Variants in TJP1 observed in about 807,000 individuals in gnomAD.
The protein encoded by TJP1 is tight junction protein 1.
TJP1 carries 43 observed loss-of-function variants against 194.2 expected under a neutral mutation model. That is an observed-to-expected ratio of 0.22 (90% CI 0.17 to 0.29). The LOEUF is 0.29. Ranked by LOEUF, TJP1 falls within the 10% of genes least tolerant of loss-of-function variation. The probability of loss-of-function intolerance (pLI) is 1.00; values close to 1 mark genes in which losing one functional copy is unlikely to be tolerated. For synonymous variants in TJP1, 801 were observed against 779.0 expected (o/e 1.03, Z -0.47); for missense variants, 1,971 against 2,185.7 (o/e 0.90, Z 1.96).
intron 2 of TJP1, among the ~76,000 whole-genome samples, chr15:29,913,912 C>T (rs2054100451): frequency 6.6e-6 from 1 of 152,190 alleles, no homozygotes; most frequent in South Asian, 2.1e-4. Flanking sequence ...AGATGTACTA[C>T]AGAGGACCGT....
intron 2 of TJP1, among the ~76,000 whole-genome samples, chr15:29,930,768 A>C (rs1481458634): frequency 1.3e-5 from 2 of 152,260 alleles, no homozygotes; most frequent in Non-Finnish European, 2.9e-5. Context: ...AGGATTGGAA[A>C]GGAAGAGGCA....
At chr15:29,896,223 T>G (rs1366187519) in intron 2 of TJP1, among the ~76,000 whole-genome samples, 2 of 152,078 alleles carry the variant, frequency 1.3e-5, no homozygotes, top group African/African-American at 4.8e-5. Flanking sequence ...CAGTGGGAGG[T>G]GATTGAATGA....
chr15:29,831,585 A>G (rs773375314), intron 2 of TJP1, among the ~76,000 whole-genome samples: 14 of 152,180 alleles, frequency 9.2e-5, no homozygotes, highest in Non-Finnish European at 2.1e-4. Context: ...ACAAGTTAAT[A>G]AAAAAGAAAA....
chr15:29,809,639 G>A (rs1178188990), intron 1 of TJP1, among the ~76,000 whole-genome samples: 2 of 152,128 alleles, frequency 1.3e-5, no homozygotes, highest in Admixed American at 6.5e-5. Flanking sequence ...GAAGTCAGGA[G>A]TTCGAGACCA....
intron 2 of TJP1, among the ~76,000 whole-genome samples, chr15:29,836,427 C>T (rs1316695165): frequency 6.6e-6 from 1 of 151,854 alleles, no homozygotes; most frequent in Admixed American, 6.6e-5. Flanking sequence ...CACCCGCCAC[C>T]ACGCCTGGCT....
intron 2 of TJP1, among the ~76,000 whole-genome samples, chr15:29,885,528 T>C (rs138450587): frequency 2.0e-4 from 31 of 152,380 alleles, no homozygotes; most frequent in Non-Finnish European, 3.8e-4. Context: ...CCATGCCATG[T>C]GGCAGTACAG....
intron 2 of TJP1, among the ~76,000 whole-genome samples, chr15:29,797,762 C>T (rs2048510464): frequency 6.6e-6 from 1 of 152,042 alleles, no homozygotes; most frequent in South Asian, 2.1e-4. Context: ...AAACAAGCAA[C>T]ATAGAGCTTA....
chr15:29,867,179 C>T (rs996947678), intron 2 of TJP1, among the ~76,000 whole-genome samples: 4 of 152,136 alleles, frequency 2.6e-5, no homozygotes, highest in African/African-American at 4.8e-5. Flanking sequence ...TTCCTGGACA[C>T]GAGAAAATTC....
At chr15:29,859,059 G>A (rs565128151) in intron 2 of TJP1, among the ~76,000 whole-genome samples, 2 of 152,230 alleles carry the variant, frequency 1.3e-5, no homozygotes, top group South Asian at 2.1e-4. Flanking sequence ...AGGATTGATT[G>A]TGGACTATTT....
chr15:29,773,187 G>T (rs779549461), intron 3 of TJP1, 46 bp downstream of exon 3: 1 of 1,607,456 alleles, frequency 6.2e-7, no homozygotes, highest in South Asian at 1.1e-5. Flanking sequence ...CCTGAGGAGA[G>T]GAACACTGCT....
chr15:29,732,513 G>A lies in TJP1; in HGVS notation c.1937C>T (p.Pro646Leu). 1 of 1,614,138 alleles carries A rather than the reference G, an allele frequency of 6.2e-7. No homozygotes were observed. Among genetic ancestry groups the A allele is most frequent in the Non-Finnish European group, 8.5e-7 (1 of 1,180,024 alleles). The change falls in exon 15 of 28, where the codon CCT (proline) becomes CTT (leucine). Residue 646 changes from proline (P) to leucine (L), a missense_variant. Physicochemically the swap from Pro to Leu is moderately conservative, Grantham distance 98. Coordinates refer to ENST00000614355, the MANE Select transcript of TJP1 (RefSeq NM_001330239.4). ...VVLREAGFLR[P>L]VTIFGPIADV... ...AGCTATTGGTCCAAAAATGGTTACAGGCCTCAGAAATCCAGCTGGAGAGAA... is the reference window on the plus strand; with the variant it reads ...AGCTATTGGTCCAAAAATGGTTACAAGCCTCAGAAATCCAGCTGGAGAGAA...
chr15:29,903,112 C>T (rs2053685565), intron 2 of TJP1, among the ~76,000 whole-genome samples: 1 of 152,088 alleles, frequency 6.6e-6, no homozygotes, highest in African/African-American at 2.4e-5. Context: ...TTGCCAGGCT[C>T]CCTGTCTCAC....
chr15:29,789,016 A>C (rs1407102912), intron 2 of TJP1, among the ~76,000 whole-genome samples: 2 of 152,224 alleles, frequency 1.3e-5, no homozygotes, highest in African/African-American at 4.8e-5. Context: ...AAAAGTGAAC[A>C]ATTTTGTAAG....
intron 2 of TJP1, among the ~76,000 whole-genome samples, chr15:29,848,862 TA>T (rs924138309): frequency 3.2e-4 from 46 of 144,366 alleles, no homozygotes; most frequent in Admixed American, 3.5e-4. Context: ...CATCTCAAAA[TA>T]AAAAAAAAAA....
chr15:29,746,135 T>TTC (rs2044755144), intron 8 of TJP1, among the ~76,000 whole-genome samples: 1 of 152,162 alleles, frequency 6.6e-6, no homozygotes. Context: ...TCCCAGCACT[T>TTC]TGGGAGGCTG....
intron 2 of TJP1, among the ~76,000 whole-genome samples, chr15:29,881,045 C>G (rs2052909390): frequency 6.6e-6 from 1 of 152,182 alleles, no homozygotes; most frequent in African/African-American, 2.4e-5. Context: ...ATTTTACACT[C>G]CCACCAACAG....
At chr15:29,736,535 G>A (rs2044046312) in intron 11 of TJP1, among the ~76,000 whole-genome samples, 1 of 152,170 alleles carries the variant, frequency 6.6e-6, no homozygotes, top group African/African-American at 2.4e-5. Flanking sequence ...TGATTAAAAT[G>A]GGACATAGTT....
At position 29,965,876 on chromosome 15, in the gene TJP1, G is replaced by A. The variant is rs116998816; in HGVS notation, c.173+2791C>T. On this transcript the variant is annotated intron_variant, in intron 1 of 28. Transcript: ENST00000356107. Reference sequence around the variant, plus strand: ...TGTAGAATCAGATGAATGTTTGCAAGTTAACAATGAGTGGAAATTAAGAAA... The same window carrying A: ...TGTAGAATCAGATGAATGTTTGCAAATTAACAATGAGTGGAAATTAAGAAA... Among the ~76,000 whole-genome samples the A allele has an allele frequency of 6.7e-3, 1,020 of 152,276 alleles. 4 individuals are homozygous for A. Among genetic ancestry groups the A allele is most frequent in the Non-Finnish European group, 0.01 (683 of 68,020 alleles).
chr15:29,873,405 C>A (rs2052592524), intron 2 of TJP1, among the ~76,000 whole-genome samples: 1 of 152,194 alleles, frequency 6.6e-6, no homozygotes, highest in Non-Finnish European at 1.5e-5. Context: ...GTCCTGGAAA[C>A]CGACAAGGCC....
Sources: allele counts gnomAD v4.1 joint callset (sites outside exome capture counted in the v4.1 genomes callset), GRCh38; gene constraint gnomAD v4.1.1; transcripts MANE v1.5; gene names NCBI Gene and HGNC (gene_info 2026-07-23, HGNC 2026-07-21).